Variants in SCAPER observed in about 807,000 individuals in gnomAD.
SCAPER encodes S-phase cyclin A associated protein in the ER, also known as S phase cyclin A-associated protein in the endoplasmic reticulum.
SCAPER carries 98 observed loss-of-function variants against 182.2 expected under a neutral mutation model. The ratio of observed to expected loss-of-function variants is 0.54; its 90% CI spans 0.46 to 0.64. SCAPER has a LOEUF of 0.64. Ranked by LOEUF, SCAPER falls within the 30% of genes least tolerant of loss-of-function variation. SCAPER has a pLI of 0.00. For synonymous variants in SCAPER, 605 were observed against 564.6 expected (o/e 1.07, Z -1.01); for missense variants, 1,432 against 1,690.0 (o/e 0.85, Z 2.68).
intron 2 of SCAPER, among the ~76,000 whole-genome samples, chr15:76,878,552 C>T (rs1056425418): frequency 6.6e-6 from 1 of 152,056 alleles, no homozygotes; most frequent in East Asian, 1.9e-4. Flanking sequence ...AAGCAAGCTA[C>T]AGAGTAGGAG....
At chr15:76,535,697 GA>G (rs2044097845) in intron 23 of SCAPER, among the ~76,000 whole-genome samples, 1 of 152,024 alleles carries the variant, frequency 6.6e-6, no homozygotes, top group South Asian at 2.1e-4. Flanking sequence ...AATGCACCAA[GA>G]TTTCACTAAT....
At chr15:76,850,051 T>C (rs2070569139) in intron 4 of SCAPER, among the ~76,000 whole-genome samples, 2 of 152,158 alleles carry the variant, frequency 1.3e-5, no homozygotes. Flanking sequence ...GGTCCCACCC[T>C]TGACACGTGG....
At chr15:76,721,427 A>G (rs1017471179) in intron 17 of SCAPER, among the ~76,000 whole-genome samples, 241 of 151,890 alleles carry the variant, frequency 1.6e-3, no homozygotes, top group Non-Finnish European at 2.4e-3. Flanking sequence ...TTGGTTCCAT[A>G]TGAACTTTAA....
intron 5 of SCAPER, 75 bp from the exon 6 acceptor site, chr15:76,804,708 A>T: frequency 1.1e-6 from 1 of 913,062 alleles, no homozygotes; most frequent in East Asian, 2.7e-5. Flanking sequence ...AAGAGTGAAC[A>T]ACTTAAGAAT....
rs150117454 is a variant in SCAPER at position 76,611,010 on chromosome 15, TTTAAA to T, written c.2711+10749_2711+10753del. 2.6e-3 allele frequency among the ~76,000 whole-genome samples: 392 copies of T among 152,302 alleles called. 2 individuals are homozygous for T. The highest frequency in any genetic ancestry group is 9.0e-3 in the African/African-American group (376 of 41,570). Reference sequence around the variant, plus strand: ...AACTGAAGGCATCACACTTCCTGACTTTAAATTATATTATAAAACTAATCAAAACA... The same window carrying T: ...AACTGAAGGCATCACACTTCCTGACTTTATATTATAAAACTAATCAAAACA... On this transcript the variant is annotated intron_variant, in intron 22 of 31. Transcript: ENST00000563290.
At chr15:76,408,213 G>A (rs1178826355) in intron 26 of SCAPER, among the ~76,000 whole-genome samples, 1 of 152,070 alleles carries the variant, frequency 6.6e-6, no homozygotes, top group Admixed American at 6.6e-5. Context: ...GAAAATGTAT[G>A]TATTTGTTGA....
intron 22 of SCAPER, among the ~76,000 whole-genome samples, chr15:76,579,709 C>T (rs561605767): frequency 6.6e-6 from 1 of 152,188 alleles, no homozygotes; most frequent in East Asian, 1.9e-4. Context: ...ATAAGCTCTC[C>T]AATCAAAAGG....
chr15:76,408,369 T>C (rs1453659887), intron 26 of SCAPER, among the ~76,000 whole-genome samples: 1 of 152,190 alleles, frequency 6.6e-6, no homozygotes, highest in Non-Finnish European at 1.5e-5. Context: ...TACATAAACA[T>C]CATTTTTAAT....
At chr15:76,557,438 T>C (rs990901598) in intron 23 of SCAPER, among the ~76,000 whole-genome samples, 9 of 152,216 alleles carry the variant, frequency 5.9e-5, no homozygotes, top group African/African-American at 2.2e-4. Flanking sequence ...TCCCCAGTGC[T>C]GGAGGTGGGG....
At chr15:76,679,774 A>G (rs2057582163) in intron 20 of SCAPER, among the ~76,000 whole-genome samples, 1 of 152,210 alleles carries the variant, frequency 6.6e-6, no homozygotes, top group Non-Finnish European at 1.5e-5. Flanking sequence ...GGTGGCAATG[A>G]TGAATGAGGT....
At chr15:76,671,318 T>C (rs1376991972) in intron 20 of SCAPER, among the ~76,000 whole-genome samples, 3 of 151,848 alleles carry the variant, frequency 2.0e-5, no homozygotes, top group Non-Finnish European at 4.4e-5. Flanking sequence ...GGGCAACAGA[T>C]TGAGATTATA....
At chr15:76,454,262 G>A (rs745318436) in intron 25 of SCAPER, among the ~76,000 whole-genome samples, 20 of 152,114 alleles carry the variant, frequency 1.3e-4, no homozygotes, top group Non-Finnish European at 1.9e-4. Flanking sequence ...TCTGACCCCT[G>A]AAAATCAGCA....
At chr15:76,718,873 G>A (rs757784229) in intron 17 of SCAPER, among the ~76,000 whole-genome samples, 6 of 152,080 alleles carry the variant, frequency 3.9e-5, no homozygotes, top group Non-Finnish European at 5.9e-5. Context: ...ACACCCATTA[G>A]ATGACTATTA....
intron 20 of SCAPER, among the ~76,000 whole-genome samples, chr15:76,672,251 G>A (rs889883109): frequency 6.6e-6 from 1 of 152,228 alleles, no homozygotes; most frequent in East Asian, 1.9e-4. Context: ...AAGTTAGAAT[G>A]GCTATCCTAA....
intron 24 of SCAPER, among the ~76,000 whole-genome samples, chr15:76,473,569 A>C (rs2050374774): frequency 1.3e-5 from 2 of 152,250 alleles, no homozygotes; most frequent in South Asian, 4.1e-4. Context: ...CCTTACAACC[A>C]AGTCTCTAGG....
intron 21 of SCAPER, among the ~76,000 whole-genome samples, chr15:76,634,922 T>C (rs944025302): frequency 1.3e-5 from 2 of 152,046 alleles, no homozygotes; most frequent in African/African-American, 4.8e-5. Flanking sequence ...AGTAGATAGG[T>C]TCTTGAAACT....
intron 25 of SCAPER, among the ~76,000 whole-genome samples, chr15:76,466,627 T>C (rs1354317387): frequency 6.6e-6 from 1 of 151,764 alleles, no homozygotes; most frequent in Non-Finnish European, 1.5e-5. Flanking sequence ...CTGTTTCTTC[T>C]ACGTCTCGAA....
At chr15:76,669,215 G>GCAA (rs34500814) in intron 20 of SCAPER, among the ~76,000 whole-genome samples, 50,300 of 151,108 alleles carry the variant, frequency 0.33, 8,759 homozygotes, top group East Asian at 0.54. Context: ...AAAACAAGCA[G>GCAA]CAGCAACAAC....
chr15:76,786,823 C>T (rs937027607), intron 8 of SCAPER, among the ~76,000 whole-genome samples: 4 of 152,124 alleles, frequency 2.6e-5, no homozygotes, highest in African/African-American at 7.2e-5. Flanking sequence ...AAGACCAACA[C>T]TCTAAATGTC....
Sources: allele counts gnomAD v4.1 joint callset (sites outside exome capture counted in the v4.1 genomes callset), GRCh38; gene constraint gnomAD v4.1.1; transcripts MANE v1.5; gene names NCBI Gene and HGNC (gene_info 2026-07-23, HGNC 2026-07-21).